FHIT: variants seen among roughly 807,000 people sequenced by gnomAD.
FHIT encodes the protein bis(5'-adenosyl)-triphosphatase.
FHIT carries 19 observed loss-of-function variants against 17.9 expected under a neutral mutation model. The observed-to-expected ratio is 1.06, with a 90% CI of 0.74 to 1.56. The LOEUF (loss-of-function observed/expected upper bound fraction) is 1.56, where lower values mean the gene tolerates loss of function less well. Ranked by LOEUF, FHIT falls within the 40% of genes most tolerant of loss-of-function variation. The pLI is 0.00. For missense variants in FHIT, 248 were observed against 189.2 expected (o/e 1.31, Z -1.82); for synonymous variants, 81 against 69.7 (o/e 1.16, Z -0.81).
intron 4 of FHIT, among the ~76,000 whole-genome samples, chr3:60,732,879 G>A (rs1442679168): frequency 3.3e-5 from 5 of 151,678 alleles, no homozygotes; most frequent in East Asian, 1.9e-4. Context: ...TAGTAGAGGC[G>A]GGGTTTTGCC....
intron 8 of FHIT, among the ~76,000 whole-genome samples, chr3:59,854,284 G>A (rs1559664849): frequency 6.6e-6 from 1 of 152,042 alleles, no homozygotes; most frequent in Non-Finnish European, 1.5e-5. Context: ...GCATTCCAGG[G>A]GGAAGAACCC....
chr3:60,979,297 C>G (rs6446171), intron 3 of FHIT, among the ~76,000 whole-genome samples: 137,492 of 152,188 alleles, frequency 0.9, 62,193 homozygotes, highest in East Asian at 1. Flanking sequence ...TGGGGAATCT[C>G]AGTTTCTCTA....
chr3:61,091,936 T>TAAA (rs58005720), intron 2 of FHIT, among the ~76,000 whole-genome samples: 8 of 61,300 alleles, frequency 1.3e-4, no homozygotes, highest in East Asian at 1.0e-3. Context: ...AGACCTTGTC[T>TAAA]AAAAAAAAAA....
chr3:61,155,226 G>A (rs554865697), intron 2 of FHIT, among the ~76,000 whole-genome samples: 5 of 152,238 alleles, frequency 3.3e-5, no homozygotes, highest in African/African-American at 1.2e-4. Context: ...GAACTTATGA[G>A]CACACCCATT....
chr3:60,750,349 C>T (rs1210774425), intron 4 of FHIT, among the ~76,000 whole-genome samples: 2 of 152,170 alleles, frequency 1.3e-5, no homozygotes, highest in Non-Finnish European at 2.9e-5. Context: ...GACCTAATGA[C>T]AAGTTCCCCT....
chr3:60,058,140 T>G (rs1225794596), intron 5 of FHIT, among the ~76,000 whole-genome samples: 9 of 130,820 alleles, frequency 6.9e-5, no homozygotes, highest in South Asian at 5.5e-4. Context: ...GTTTTTTTTT[T>G]TTTTTTTTTT....
chr3:60,347,085 T>C (rs577654455), intron 5 of FHIT, among the ~76,000 whole-genome samples: 3 of 151,902 alleles, frequency 2.0e-5, no homozygotes, highest in South Asian at 4.2e-4. Flanking sequence ...TTTTTTCCAA[T>C]GCAAAGATTC....
At chr3:61,151,608 C>G (rs911116287) in intron 2 of FHIT, among the ~76,000 whole-genome samples, 3 of 140,822 alleles carry the variant, frequency 2.1e-5, no homozygotes, top group African/African-American at 8.1e-5. Context: ...GAGTCTCACT[C>G]TGCCACCCAG....
chr3:60,801,017 A>G lies in FHIT; in HGVS notation c.-18+20902T>C, dbSNP rs193019451. On this transcript the variant is annotated intron_variant, in intron 4 of 9. Coordinates refer to ENST00000492590, the MANE Select transcript of FHIT (RefSeq NM_002012.4). ...ATGGTGGTCTTGGTAGGGGACCAACAGCATCCTCTACAGAGGGAAATACAA... is the reference window on the plus strand; with the variant it reads ...ATGGTGGTCTTGGTAGGGGACCAACGGCATCCTCTACAGAGGGAAATACAA... 1.1e-3 allele frequency among the ~76,000 whole-genome samples: 170 copies of G among 152,324 alleles called. 1 individual carries two copies. Among genetic ancestry groups the G allele is most frequent in the East Asian group, 0.011 (57 of 5,182 alleles).
chr3:60,500,349 AG>A (rs1464694693), intron 5 of FHIT, among the ~76,000 whole-genome samples: 2 of 152,196 alleles, frequency 1.3e-5, no homozygotes, highest in Non-Finnish European at 2.9e-5. Context: ...AATAAAATAA[AG>A]TACAGTCATT....
intron 5 of FHIT, among the ~76,000 whole-genome samples, chr3:60,521,479 C>A (rs1238951015): frequency 6.6e-6 from 1 of 152,144 alleles, no homozygotes; most frequent in Admixed American, 6.5e-5. Context: ...GATCTGCTGA[C>A]TTCGTGATCC....
At chr3:61,030,460 G>A (rs1478040797) in intron 3 of FHIT, among the ~76,000 whole-genome samples, 1 of 152,146 alleles carries the variant, frequency 6.6e-6, no homozygotes, top group African/African-American at 2.4e-5. Context: ...TAAAATTCAA[G>A]GATTTATTTG....
chr3:60,066,457 T>C (rs1189146739), intron 5 of FHIT, among the ~76,000 whole-genome samples: 2 of 152,024 alleles, frequency 1.3e-5, no homozygotes, highest in African/African-American at 4.8e-5. Flanking sequence ...TATTCTCATG[T>C]CCACAGCATG....
intron 8 of FHIT, among the ~76,000 whole-genome samples, chr3:59,845,239 C>T (rs1701676811): frequency 6.6e-6 from 1 of 151,674 alleles, no homozygotes; most frequent in African/African-American, 2.4e-5. Flanking sequence ...CACTTTTTCC[C>T]CTGATTTTCT....
chr3:59,869,483 C>CATTTTTTTTTTTT, intron 8 of FHIT, among the ~76,000 whole-genome samples: 1 of 80,536 alleles, frequency 1.2e-5, no homozygotes, highest in African/African-American at 7.1e-5. Context: ...TAAAGAACAT[C>CATTTTTTTTTTTT]CTTTTTTTTT....
intron 7 of FHIT, among the ~76,000 whole-genome samples, chr3:59,997,720 G>A (rs1213394087): frequency 6.6e-6 from 1 of 152,064 alleles, no homozygotes; most frequent in African/African-American, 2.4e-5. Flanking sequence ...AATGACCTTG[G>A]GAGCTGACTC....
At chr3:60,577,448 A>C (rs1319730897) in intron 4 of FHIT, among the ~76,000 whole-genome samples, 1 of 152,190 alleles carries the variant, frequency 6.6e-6, no homozygotes, top group Non-Finnish European at 1.5e-5. Context: ...ATTCAGATGT[A>C]AAGTGCAATA....
chr3:60,224,142 C>T (rs1192432419), intron 5 of FHIT, among the ~76,000 whole-genome samples: 2 of 152,086 alleles, frequency 1.3e-5, no homozygotes, highest in Non-Finnish European at 2.9e-5. Context: ...AAAAAACAAA[C>T]AAAAACGAGC....
chr3:60,068,003 A>C (rs1702593486), intron 5 of FHIT, among the ~76,000 whole-genome samples: 1 of 152,198 alleles, frequency 6.6e-6, no homozygotes, highest in South Asian at 2.1e-4. Context: ...TGGGAGGCCA[A>C]GGTGGGTGGA....
Sources: gnomAD v4.1 joint callset for allele counts (sites outside exome capture counted in the v4.1 genomes callset) on GRCh38, gnomAD v4.1.1 for gene constraint, MANE v1.5 for transcripts, NCBI Gene and HGNC (gene_info 2026-07-23, HGNC 2026-07-21) for gene names.